The following ROBO2 variants were observed in gnomAD, a reference collection of about 807,000 sequenced individuals.
ROBO2 encodes roundabout homolog 2.
In ROBO2, 53 loss-of-function variants were observed where a neutral mutation model predicts 160.8. The observed-to-expected ratio is 0.33, with a 90% CI of 0.26 to 0.41. ROBO2 has a LOEUF of 0.41. Among genes scored for constraint, ROBO2 ranks in the 10% least tolerant of loss-of-function variants. The pLI is 1.00. For missense variants in ROBO2, 1,577 were observed against 1,722.4 expected (o/e 0.92, Z 1.49); for synonymous variants, 664 against 611.7 (o/e 1.09, Z -1.26).
At chr3:76,288,504 C>A (rs1009851293) in intron 2 of ROBO2, among the ~76,000 whole-genome samples, 1 of 149,760 alleles carries the variant, frequency 6.7e-6, no homozygotes, top group Non-Finnish European at 1.5e-5. Context: ...TCATTTCCAA[C>A]TTTTAGGTTC....
chr3:76,879,679 A>G (rs1047450234), intron 2 of ROBO2, among the ~76,000 whole-genome samples: 1 of 152,136 alleles, frequency 6.6e-6, no homozygotes, highest in Non-Finnish European at 1.5e-5. Flanking sequence ...TTGTATCCAG[A>G]GTCATTAAAC....
At chr3:76,545,543 T>G (rs558143689) in intron 2 of ROBO2, among the ~76,000 whole-genome samples, 276 of 152,130 alleles carry the variant, frequency 1.8e-3, no homozygotes, top group Non-Finnish European at 2.7e-3. Flanking sequence ...TCAACAGCCC[T>G]GCTGTTAATG....
At chr3:76,380,855 A>G (rs940669581) in intron 2 of ROBO2, among the ~76,000 whole-genome samples, 2 of 152,140 alleles carry the variant, frequency 1.3e-5, no homozygotes, top group Non-Finnish European at 2.9e-5. Flanking sequence ...ATAAAGTATC[A>G]TTGTTTGGAA....
intron 2 of ROBO2, among the ~76,000 whole-genome samples, chr3:77,261,984 A>G (rs1309136775): frequency 2.6e-5 from 4 of 152,092 alleles, no homozygotes; most frequent in Non-Finnish European, 5.9e-5. Flanking sequence ...CAGCACTCTG[A>G]AGTATCCTTA....
exon 22 of ROBO2, chr3:77,617,750 G>A: frequency 1.9e-6 from 3 of 1,613,484 alleles, no homozygotes; most frequent in Non-Finnish European, 2.5e-6. Context: ...GAGCCTATCA[G>A]TTTGATATAG....
At chr3:76,308,079 A>T (rs2071405698) in intron 2 of ROBO2, among the ~76,000 whole-genome samples, 1 of 152,104 alleles carries the variant, frequency 6.6e-6, no homozygotes, top group Admixed American at 6.5e-5. Context: ...AAATGCAGGA[A>T]AGAATTATCC....
At chr3:77,404,702 G>A (rs76334682) in intron 2 of ROBO2, among the ~76,000 whole-genome samples, 2,023 of 152,184 alleles carry the variant, frequency 0.013, 46 homozygotes, top group African/African-American at 0.044. Flanking sequence ...TCAATTATAG[G>A]AAATTTGGCA....
intron 13 of ROBO2, among the ~76,000 whole-genome samples, chr3:77,572,086 G>A (rs899707983): frequency 6.6e-6 from 1 of 151,898 alleles, no homozygotes; most frequent in African/African-American, 2.4e-5. Context: ...AACCAAACAT[G>A]GATAAAACCA....
intron 2 of ROBO2, among the ~76,000 whole-genome samples, chr3:77,206,563 C>A (rs142638416): frequency 2.0e-5 from 3 of 152,142 alleles, no homozygotes; most frequent in East Asian, 3.9e-4. Context: ...AGACTCTATA[C>A]CGAACGTGGT....
intron 2 of ROBO2, among the ~76,000 whole-genome samples, chr3:76,254,525 A>G (rs1051633680): frequency 7.8e-4 from 119 of 152,244 alleles, no homozygotes; most frequent in African/African-American, 2.8e-3. Flanking sequence ...AAAATTAGAT[A>G]TGCACTTTAT....
intron 1 of ROBO2, among the ~76,000 whole-genome samples, chr3:77,065,345 G>A (rs1023878192): frequency 1.3e-5 from 2 of 152,096 alleles, no homozygotes; most frequent in East Asian, 1.9e-4. Context: ...AATAAATTTT[G>A]TCTTTTTCTT....
chr3:76,938,799 G>A (rs1376295458), intron 2 of ROBO2, among the ~76,000 whole-genome samples: 1 of 151,914 alleles, frequency 6.6e-6, no homozygotes, highest in Non-Finnish European at 1.5e-5. Context: ...GAGAAACCCC[G>A]TCTCTACTAA....
rs1020459353 is a variant in ROBO2 at position 76,278,637 on chromosome 3, A to T, written c.109+341035A>T. Among the ~76,000 whole-genome samples, 10 of 152,000 alleles carry T rather than the reference A, an allele frequency of 6.6e-5. No homozygotes were observed. The South Asian group carries it at 1.4e-3, about 22-fold the overall frequency. On this transcript the variant is annotated intron_variant, in intron 2 of 26. Transcript: ENST00000487694. ...TTTAAAAGATATTTCCCCAAGTAAAAGTTAGAAAGCATCTGGAACCTGTCA... is the reference window on the plus strand; with the variant it reads ...TTTAAAAGATATTTCCCCAAGTAAATGTTAGAAAGCATCTGGAACCTGTCA...
At chr3:76,122,652 T>G (rs1342321886) in intron 2 of ROBO2, among the ~76,000 whole-genome samples, 2 of 152,162 alleles carry the variant, frequency 1.3e-5, no homozygotes, top group Non-Finnish European at 2.9e-5. Context: ...TTATGTTATT[T>G]AAGTCTTCTA....
intron 2 of ROBO2, among the ~76,000 whole-genome samples, chr3:76,906,657 C>T (rs777911253): frequency 2.0e-5 from 3 of 151,968 alleles, no homozygotes; most frequent in Non-Finnish European, 4.4e-5. Flanking sequence ...AGTTAAATAA[C>T]CTGCTCAGGA....
intron 2 of ROBO2, among the ~76,000 whole-genome samples, chr3:76,218,179 A>G (rs1361113560): frequency 1.3e-5 from 2 of 152,210 alleles, no homozygotes; most frequent in African/African-American, 2.4e-5. Context: ...AACAAGAGCT[A>G]TCTATTGCAA....
intron 8 of ROBO2, among the ~76,000 whole-genome samples, chr3:77,554,234 A>G (rs2093029071): frequency 6.6e-6 from 1 of 151,964 alleles, no homozygotes; most frequent in African/African-American, 2.4e-5. Flanking sequence ...GAAATATTTT[A>G]AGTACAGTGT....
At chr3:76,161,206 AAG>A (rs1402124302) in intron 2 of ROBO2, among the ~76,000 whole-genome samples, 1 of 138,892 alleles carries the variant, frequency 7.2e-6, no homozygotes, top group Non-Finnish European at 1.5e-5. Context: ...CTGATGACAG[AAG>A]GGGGTGAAAA....
chr3:77,438,029 A>G (rs563894930), intron 2 of ROBO2, among the ~76,000 whole-genome samples: 1 of 152,126 alleles, frequency 6.6e-6, no homozygotes, highest in African/African-American at 2.4e-5. Flanking sequence ...ATACATGATT[A>G]ATAGGAGGTT....
Sources: gnomAD v4.1 joint callset for allele counts (sites outside exome capture counted in the v4.1 genomes callset) on GRCh38, gnomAD v4.1.1 for gene constraint, MANE v1.5 for transcripts, NCBI Gene and HGNC (gene_info 2026-07-23, HGNC 2026-07-21) for gene names.